CEP57L1: variants seen among roughly 807,000 people sequenced by gnomAD.
CEP57L1 encodes the protein centrosomal protein 57 like 1, also known as centrosomal protein CEP57L1.
CEP57L1 carries 37 observed loss-of-function variants against 61.0 expected under a neutral mutation model. The ratio of observed to expected loss-of-function variants is 0.61; its 90% confidence interval spans 0.47 to 0.80. CEP57L1 has a LOEUF of 0.80. CEP57L1 is among the 30% of genes least tolerant of loss of function. The probability of loss-of-function intolerance (pLI) is 0.00; values close to 1 mark genes in which losing one functional copy is unlikely to be tolerated. For missense variants in CEP57L1, 422 were observed against 524.7 expected (o/e 0.80, Z 1.91); for synonymous variants, 137 against 162.3 (o/e 0.84, Z 1.19).
intron 4 of CEP57L1, among the ~76,000 whole-genome samples, chr6:109,153,179 A>G (rs961659729): frequency 1.3e-5 from 2 of 148,242 alleles, no homozygotes; most frequent in South Asian, 4.3e-4. Flanking sequence ...CTATACAAAG[A>G]TGCATAGACG....
At chr6:109,153,488 C>T (rs1016093909) in intron 4 of CEP57L1, among the ~76,000 whole-genome samples, 1 of 151,522 alleles carries the variant, frequency 6.6e-6, no homozygotes, top group Non-Finnish European at 1.5e-5. Context: ...TCAAGCAGTC[C>T]TCCCACCTCA....
At chr6:109,124,783 A>C (rs538974930) in intron 1 of CEP57L1, among the ~76,000 whole-genome samples, 1 of 152,066 alleles carries the variant, frequency 6.6e-6, no homozygotes, top group African/African-American at 2.4e-5. Context: ...TTCACCCTTC[A>C]TGTCTCAGTT....
In CEP57L1 at chr6:109,173,420, C is replaced by G. The variant is rs1241717020; in HGVS notation, c.*10450C>G. Among the ~76,000 whole-genome samples, 1 of 145,504 alleles carries G rather than the reference C, an allele frequency of 6.9e-6. No homozygotes were observed. Among genetic ancestry groups the G allele is most frequent in the Non-Finnish European group, 1.5e-5 (1 of 66,378 alleles). ...CCTTCCCCCTCAGCCCGCCCCCTAC[C>G]TTTCTTTTTTTTTTTTTTTTCTTTT... On this transcript the variant is annotated 3_prime_UTR_variant, in exon 11 of 11. Transcript: ENST00000517392.
Position 109,153,928 on chromosome 6 carries a change from A to G in CEP57L1, c.558A>G (p.Thr186=), listed in dbSNP as rs775988615. Residue 186 remains threonine (T), a synonymous_variant, in exon 5 of 11, where the codon ACA becomes ACG. Coordinates refer to ENST00000517392, the MANE Select transcript of CEP57L1 (RefSeq NM_001271852.3). The stretch of plus-strand genomic sequence containing the variant: ...TAGAAAAAGAGTGTTTCAGACTTAC[A>G]ACAACTCAGAAAACTGCTGAGGTAA... ...DVLEKECFRL[T]TTQKTAEDKI... 1.9e-6 allele frequency: 3 copies of G among 1,600,212 alleles called. No homozygotes were observed. Among genetic ancestry groups the G allele is most frequent in the Non-Finnish European group, 2.6e-6 (3 of 1,170,348 alleles).
chr6:109,136,760 A>AT (rs869088679), intron 1 of CEP57L1, among the ~76,000 whole-genome samples: 30 of 123,144 alleles, frequency 2.4e-4, no homozygotes, highest in African/African-American at 9.9e-4. Context: ...ATTTTATTTT[A>AT]TTTATTTTTT....
rs1054817605 is a variant in CEP57L1 at position 109,120,431 on chromosome 6, A to G, written c.-3-24788A>G. Among the ~76,000 whole-genome samples the G allele has an allele frequency of 9.2e-5, 14 of 152,302 alleles. No individual in the cohort carries two copies. In the East Asian group the frequency reaches 2.5e-3, roughly 27 times the overall value. On this transcript the variant is annotated intron_variant, in intron 1 of 10. Transcript: ENST00000517392. ...AAAAGAAAAGTGCTTAGGTCTATAA[A>G]TAATTGTTTTCTTTCTGTTCTCAAG...
At chr6:109,127,180 A>C (rs1185713974) in intron 1 of CEP57L1, among the ~76,000 whole-genome samples, 1 of 152,152 alleles carries the variant, frequency 6.6e-6, no homozygotes, top group East Asian at 1.9e-4. Flanking sequence ...AAACAAAACA[A>C]AAAAAACCAA....
chr6:109,128,609 G>C (rs957364262), intron 1 of CEP57L1, among the ~76,000 whole-genome samples: 3 of 152,002 alleles, frequency 2.0e-5, no homozygotes, highest in African/African-American at 7.3e-5. Context: ...CCTCCCTATG[G>C]TCTAATCAAA....
At chr6:109,119,242 C>G (rs1263035966) in intron 1 of CEP57L1, among the ~76,000 whole-genome samples, 1 of 152,276 alleles carries the variant, frequency 6.6e-6, no homozygotes, top group South Asian at 2.1e-4. Context: ...ATTGAAGTAA[C>G]ATGGCTGGAT....
At chr6:109,125,705 CTGATTGAT>C (rs138233619) in intron 1 of CEP57L1, among the ~76,000 whole-genome samples, 3 of 150,534 alleles carry the variant, frequency 2.0e-5, no homozygotes, top group Non-Finnish European at 3.0e-5. Flanking sequence ...CCTGTCTTGA[CTGATTGAT>C]TGATTGATTG....
intron 7 of CEP57L1, chr6:109,157,556 T>C (rs1366564792): frequency 1.3e-5 from 2 of 152,174 alleles, no homozygotes; most frequent in South Asian, 2.1e-4. Context: ...GAATTAAATA[T>C]TGACAGACTG....
At chr6:109,143,891 G>A (rs912803444) in intron 1 of CEP57L1, among the ~76,000 whole-genome samples, 1 of 152,086 alleles carries the variant, frequency 6.6e-6, no homozygotes, top group Non-Finnish European at 1.5e-5. Context: ...ACCTCTCTCT[G>A]AAGATGTACA....
At chr6:109,121,087 G>T (rs1264247081) in intron 1 of CEP57L1, among the ~76,000 whole-genome samples, 2 of 152,172 alleles carry the variant, frequency 1.3e-5, no homozygotes, top group African/African-American at 4.8e-5. Context: ...CTCTAGACAG[G>T]ACTGTGTTGT....
At chr6:109,115,687 C>T (rs1025254665) in intron 1 of CEP57L1, among the ~76,000 whole-genome samples, 3 of 151,800 alleles carry the variant, frequency 2.0e-5, no homozygotes, top group Non-Finnish European at 4.4e-5. Context: ...CAAAAGGGTC[C>T]ACAGTTAGAG....
intron 1 of CEP57L1, among the ~76,000 whole-genome samples, chr6:109,099,990 G>T (rs1443669456): frequency 6.6e-6 from 1 of 152,140 alleles, no homozygotes; most frequent in African/African-American, 2.4e-5. Flanking sequence ...TTTTCTCAGA[G>T]GTGTCCCTGA....
chr6:109,145,386 T>A lies in CEP57L1; in HGVS notation c.160+5T>A. ...TTCATAGCCCAAATAGCCAAGGTAA[T>A]GCTGATATAAAATTTGAAGAATGGT... On this transcript the variant is annotated splice_donor_5th_base_variant and intron_variant, in intron 2 of 10. Coordinates refer to ENST00000517392, the MANE Select transcript of CEP57L1 (RefSeq NM_001271852.3). The A allele has an allele frequency of 6.5e-7, 1 of 1,537,152 alleles. No homozygotes were observed. The highest frequency in any genetic ancestry group is 8.8e-7 in the Non-Finnish European group (1 of 1,140,750).
In CEP57L1 at chr6:109,173,201, C is replaced by T. The variant is rs1774481187; in HGVS notation, c.*10231C>T. On this transcript the variant is annotated 3_prime_UTR_variant, in exon 11 of 11. Coordinates refer to ENST00000517392, the MANE Select transcript of CEP57L1 (RefSeq NM_001271852.3). ...GTGTACTTTTTAATTGTGTCATTTT[C>T]TACAGTATTATTTTTGCATTTTCCT... Among the ~76,000 whole-genome samples, 1 of 152,040 alleles carries T rather than the reference C, an allele frequency of 6.6e-6. No individual in the cohort carries two copies. The highest frequency in any genetic ancestry group is 1.5e-5 in the Non-Finnish European group (1 of 68,004).
rs192386054 is a variant in CEP57L1, at chr6:109,110,518, C to A, written c.-4+14943C>A. Among the ~76,000 whole-genome samples the A allele has an allele frequency of 3.0e-4, 45 of 152,272 alleles. No individual in the cohort carries two copies. The East Asian group carries it at 8.7e-3, about 29-fold the overall frequency. ...TAGTTTCTTTTGCTATGCAGAAGCTCTTTAGTTTAATCAGATCCAATTCGT... is the reference window on the plus strand; with the variant it reads ...TAGTTTCTTTTGCTATGCAGAAGCTATTTAGTTTAATCAGATCCAATTCGT... On this transcript the variant is annotated intron_variant, in intron 1 of 10. Coordinates refer to ENST00000517392, the MANE Select transcript of CEP57L1 (RefSeq NM_001271852.3).
chr6:109,107,766 C>T (rs1430213450), intron 1 of CEP57L1, among the ~76,000 whole-genome samples: 1 of 151,704 alleles, frequency 6.6e-6, no homozygotes, highest in Non-Finnish European at 1.5e-5. Context: ...CATGGTGAAA[C>T]CCTGTCTCTA....
Sources: gnomAD v4.1 joint callset for allele counts (sites outside exome capture counted in the v4.1 genomes callset) on GRCh38, gnomAD v4.1.1 for gene constraint, MANE v1.5 for transcripts, NCBI Gene and HGNC (gene_info 2026-07-23, HGNC 2026-07-21) for gene names.